Variants in SH3BP4 observed in about 807,000 individuals in gnomAD.
The protein encoded by SH3BP4 is SH3 domain-binding protein 4.
Under a neutral mutation model 65.5 loss-of-function variants are expected in SH3BP4, and 33 were observed. The ratio of observed to expected loss-of-function variants is 0.50; its 90% CI spans 0.38 to 0.67. SH3BP4 has a LOEUF of 0.67. SH3BP4 is among the 30% of genes least tolerant of loss of function. SH3BP4 has a pLI of 0.00. For synonymous variants in SH3BP4, 552 were observed against 545.5 expected (o/e 1.01, Z -0.17); for missense variants, 1,134 against 1,261.4 (o/e 0.90, Z 1.53).
intron 2 of SH3BP4, among the ~76,000 whole-genome samples, chr2:235,018,617 G>A (rs906276874): frequency 3.9e-5 from 6 of 152,188 alleles, no homozygotes; most frequent in African/African-American, 1.2e-4. Flanking sequence ...TTAGATGACT[G>A]TTGTTTCCAC....
intron 2 of SH3BP4, among the ~76,000 whole-genome samples, chr2:234,996,797 C>A (rs927332015): frequency 6.6e-6 from 1 of 152,224 alleles, no homozygotes; most frequent in Admixed American, 6.5e-5. Flanking sequence ...TCTCTTTGGG[C>A]CCCCACATGG....
Position 234,998,315 on chromosome 2 carries a change from C to T in SH3BP4, c.-133+2939C>T, listed in dbSNP as rs997220606. Among the ~76,000 whole-genome samples the T allele has an allele frequency of 5.3e-5, 8 of 151,994 alleles. 1 individual carries two copies. In the South Asian group the frequency reaches 6.2e-4, roughly 12 times the overall value. ...TAAATCATGAGCCACAAACAGGAGA[C>T]GTAAAAATGAACAGGTAAACATAAT... On this transcript the variant is annotated intron_variant, in intron 2 of 5. Coordinates refer to ENST00000392011, the MANE Select transcript of SH3BP4 (RefSeq NM_014521.3).
intron 1 of SH3BP4, among the ~76,000 whole-genome samples, chr2:234,987,165 CTG>C (rs929994410): frequency 1.2e-4 from 19 of 152,270 alleles, no homozygotes; most frequent in Middle Eastern, 3.4e-3. Flanking sequence ...GAATCAGAAA[CTG>C]AGCGTTGTTG....
At chr2:234,986,076 G>A (rs1429612933) in intron 1 of SH3BP4, among the ~76,000 whole-genome samples, 2 of 148,698 alleles carry the variant, frequency 1.3e-5, no homozygotes, top group Admixed American at 6.6e-5. Context: ...GGGTCCATGT[G>A]CAGGTGAACC....
At chr2:235,002,714 A>G (rs569793542) in intron 2 of SH3BP4, among the ~76,000 whole-genome samples, 1 of 152,354 alleles carries the variant, frequency 6.6e-6, no homozygotes, top group African/African-American at 2.4e-5. Context: ...TGACAGAGCG[A>G]GACCCTGTCT....
chr2:235,025,972 TGAA>T (rs1694988945), intron 2 of SH3BP4, among the ~76,000 whole-genome samples: 1 of 152,186 alleles, frequency 6.6e-6, no homozygotes, highest in Admixed American at 6.5e-5. Context: ...GAGGAAGGTG[TGAA>T]GAATCTGGAA....
In SH3BP4 at chr2:234,997,023, A is replaced by G. The variant is rs944606631; in HGVS notation, c.-133+1647A>G. Among the ~76,000 whole-genome samples the G allele has an allele frequency of 1.3e-5, 2 of 152,222 alleles. No individual in the cohort carries two copies. Among genetic ancestry groups the G allele is most frequent in the African/African-American group, 4.8e-5 (2 of 41,462 alleles). Reference sequence around the variant, plus strand: ...GGTGGGACGGGTGCCGCCATCCCACAGCGGTGCCCGCTTGTCTCCGTGGCG... The same window carrying G: ...GGTGGGACGGGTGCCGCCATCCCACGGCGGTGCCCGCTTGTCTCCGTGGCG... On this transcript the variant is annotated intron_variant, in intron 2 of 5. Transcript: ENST00000392011. The surrounding 1 kb of genome is among the most constrained non-coding windows in gnomAD (Gnocchi z 4.2).
At chr2:234,961,029 A>G (rs954880420) in intron 1 of SH3BP4, among the ~76,000 whole-genome samples, 2 of 152,154 alleles carry the variant, frequency 1.3e-5, no homozygotes, top group African/African-American at 4.8e-5. Flanking sequence ...GGGACATCAC[A>G]GTGGGAAAGA....
At chr2:235,028,461 G>A (rs967705372) in intron 2 of SH3BP4, among the ~76,000 whole-genome samples, 1 of 152,228 alleles carries the variant, frequency 6.6e-6, no homozygotes, top group Non-Finnish European at 1.5e-5. Flanking sequence ...AGTCTCCTGA[G>A]TATAATCCTA....
intron 1 of SH3BP4, among the ~76,000 whole-genome samples, chr2:234,992,222 G>T (rs748529531): frequency 2.6e-5 from 4 of 152,250 alleles, no homozygotes; most frequent in Non-Finnish European, 5.9e-5. Flanking sequence ...AGTTTCCAGC[G>T]AAGATTTATT....
At chr2:234,968,197 C>A (rs1040275792) in intron 1 of SH3BP4, among the ~76,000 whole-genome samples, 1 of 152,028 alleles carries the variant, frequency 6.6e-6, no homozygotes, top group African/African-American at 2.4e-5. Context: ...GAACTCTATT[C>A]AGGGAATATT....
chr2:235,044,348 C>G (rs1032204326), intron 4 of SH3BP4, among the ~76,000 whole-genome samples: 2 of 152,250 alleles, frequency 1.3e-5, no homozygotes, highest in Non-Finnish European at 2.9e-5. Flanking sequence ...CTTAGCACTG[C>G]TCCCCGCAGG....
intron 1 of SH3BP4, among the ~76,000 whole-genome samples, chr2:234,968,133 G>A (rs142172223): frequency 1.4e-4 from 21 of 152,324 alleles, no homozygotes; most frequent in African/African-American, 4.3e-4. Flanking sequence ...TGGTCAGCTC[G>A]GTGGTAGCAA....
intron 1 of SH3BP4, among the ~76,000 whole-genome samples, chr2:234,965,532 A>G (rs11682004): frequency 3.3e-5 from 5 of 152,226 alleles, no homozygotes; most frequent in African/African-American, 4.8e-5. Flanking sequence ...GCTGTCCTCA[A>G]CTGGCTCAGA....
At chr2:235,018,318 C>T (rs186231116) in intron 2 of SH3BP4, among the ~76,000 whole-genome samples, 2 of 151,432 alleles carry the variant, frequency 1.3e-5, no homozygotes, top group Admixed American at 6.6e-5. Context: ...AACAAAACAG[C>T]AGTCCCTGTG....
intron 2 of SH3BP4, among the ~76,000 whole-genome samples, chr2:234,996,165 TGGATCTAA>T (rs1693911122): frequency 6.6e-6 from 1 of 152,190 alleles, no homozygotes; most frequent in Non-Finnish European, 1.5e-5. Flanking sequence ...TAGAAAGGAT[TGGATCTAA>T]GTAAACGCTA....
At chr2:234,962,678 T>G (rs1448207040) in intron 1 of SH3BP4, among the ~76,000 whole-genome samples, 1 of 152,088 alleles carries the variant, frequency 6.6e-6, no homozygotes, top group African/African-American at 2.4e-5. Context: ...GCTGAGACAG[T>G]GAGTGGTCTT....
At position 234,967,217 on chromosome 2, in the gene SH3BP4, G is replaced by A. The variant is rs1269909855; in HGVS notation, c.-207+15047G>A. Reference sequence around the variant, plus strand: ...ACCATGATACTGTTCTCCCCTACACGGGGGGCCAGGTCTCAATTCCAGGGT... The same window carrying A: ...ACCATGATACTGTTCTCCCCTACACAGGGGGCCAGGTCTCAATTCCAGGGT... On this transcript the variant is annotated intron_variant, in intron 1 of 5. Transcript: ENST00000392011. This position sits in a 1 kb window ranked among gnomAD's most constrained non-coding sequence, Gnocchi z 4.6. Among the ~76,000 whole-genome samples the A allele has an allele frequency of 6.6e-6, 1 of 152,078 alleles. No individual in the cohort carries two copies. Among genetic ancestry groups the A allele is most frequent in the East Asian group, 1.9e-4 (1 of 5,138 alleles).
At chr2:234,956,094 T>C (rs1439648721) in intron 1 of SH3BP4, among the ~76,000 whole-genome samples, 1 of 152,330 alleles carries the variant, frequency 6.6e-6, no homozygotes, top group East Asian at 1.9e-4. Context: ...CTGAAGGTGA[T>C]GAAATCTTTA....
Sources: gnomAD v4.1 joint callset for allele counts (sites outside exome capture counted in the v4.1 genomes callset) on GRCh38, gnomAD v4.1.1 for gene constraint, Gnocchi (gnomAD v3.1) non-coding constraint, MANE v1.5 for transcripts, NCBI Gene and HGNC (gene_info 2026-07-23, HGNC 2026-07-21) for gene names.